Variants in PTBP2 observed in about 807,000 individuals in gnomAD.
PTBP2 encodes polypyrimidine tract-binding protein 2.
A neutral mutation model predicts 61.4 loss-of-function variants in PTBP2; 13 were observed. The observed-to-expected ratio is 0.21, with a 90% CI of 0.14 to 0.34. The LOEUF (loss-of-function observed/expected upper bound fraction) is 0.34. Among genes scored for constraint, PTBP2 ranks in the 10% least tolerant of loss-of-function variants. PTBP2 has a pLI of 1.00. For synonymous variants in PTBP2, 215 were observed against 218.5 expected, an observed-to-expected ratio of 0.98 and a Z score of 0.14; for missense variants, 405 against 642.6, an observed-to-expected ratio of 0.63 and a Z score of 4.00.
intron 8 of PTBP2, among the ~76,000 whole-genome samples, chr1:96,791,826 C>CTTTTTTTTGTTTTTTTTTTTGTTT (rs1482989030): frequency 3.9e-4 from 26 of 66,122 alleles, no homozygotes; most frequent in Non-Finnish European, 4.7e-4. Context: ...TGGAGTTGTG[C>CTTTTTTTTGTTTTTTTTTTTGTTT]TTTTTTTTTT....
intron 2 of PTBP2, among the ~76,000 whole-genome samples, chr1:96,724,323 C>T (rs573552970): frequency 1.3e-5 from 2 of 151,976 alleles, no homozygotes; most frequent in South Asian, 2.1e-4. Flanking sequence ...CGATCTTGGC[C>T]CACTGCAACC....
At chr1:96,807,206 G>A (rs1661580912) in intron 11 of PTBP2, among the ~76,000 whole-genome samples, 1 of 152,104 alleles carries the variant, frequency 6.6e-6, no homozygotes, top group African/African-American at 2.4e-5. Flanking sequence ...TGTAATAATA[G>A]TTTCACATGA....
At chr1:96,808,186 G>A (rs1310396995) in intron 11 of PTBP2, among the ~76,000 whole-genome samples, 1 of 151,838 alleles carries the variant, frequency 6.6e-6, no homozygotes, top group Non-Finnish European at 1.5e-5. Context: ...ACTGTTTTAT[G>A]TAATATTTTA....
downstream of PTBP2, chr1:96,817,727 A>C (rs990398133): frequency 6.6e-6 from 1 of 152,124 alleles, no homozygotes; most frequent in South Asian, 2.1e-4. Flanking sequence ...ATTCTTTCCC[A>C]AGAGGTAATT....
At chr1:96,760,104 A>G (rs895460676) in intron 3 of PTBP2, among the ~76,000 whole-genome samples, 1 of 152,092 alleles carries the variant, frequency 6.6e-6, no homozygotes, top group African/African-American at 2.4e-5. Flanking sequence ...TGGGAATTCA[A>G]GAGGAGATGT....
chr1:96,727,717 C>T (rs1331718653), intron 2 of PTBP2, among the ~76,000 whole-genome samples: 4 of 151,984 alleles, frequency 2.6e-5, no homozygotes, highest in East Asian at 1.9e-4. Context: ...ATATCTTTAG[C>T]CCAATTTTTT....
At chr1:96,746,244 A>G (rs955215025) in intron 2 of PTBP2, among the ~76,000 whole-genome samples, 13 of 152,088 alleles carry the variant, frequency 8.5e-5, no homozygotes, top group African/African-American at 3.1e-4. Flanking sequence ...ACAGTACTAG[A>G]TTATTTTCCA....
chr1:96,767,542 A>G (rs1240246791), intron 3 of PTBP2, among the ~76,000 whole-genome samples: 9 of 152,158 alleles, frequency 5.9e-5, no homozygotes, highest in African/African-American at 1.9e-4. Context: ...ATGAACAAGA[A>G]CAAATTATCA....
At chr1:96,810,040 AG>A (rs1225336894) in intron 11 of PTBP2, among the ~76,000 whole-genome samples, 3 of 152,148 alleles carry the variant, frequency 2.0e-5, no homozygotes, top group Non-Finnish European at 4.4e-5. Flanking sequence ...TGAATTATAA[AG>A]GGGAGAAGCA....
chr1:96,809,395 C>T (rs546220267), intron 11 of PTBP2, among the ~76,000 whole-genome samples: 1 of 152,282 alleles, frequency 6.6e-6, no homozygotes, highest in South Asian at 2.1e-4. Flanking sequence ...CAAAGAGTAT[C>T]ATACAGACCT....
chr1:96,764,370 A>T (rs977663745), intron 3 of PTBP2, among the ~76,000 whole-genome samples: 1 of 152,214 alleles, frequency 6.6e-6, no homozygotes. Context: ...ATTTTGTTAA[A>T]TTTGTAACTA....
chr1:96,733,588 G>T (rs1191828888), intron 2 of PTBP2, among the ~76,000 whole-genome samples: 5 of 152,122 alleles, frequency 3.3e-5, no homozygotes, highest in African/African-American at 4.8e-5. Context: ...GCTGAGACAA[G>T]AGGATCACCT....
chr1:96,805,806 C>T (rs1661448406), intron 9 of PTBP2, among the ~76,000 whole-genome samples: 1 of 152,074 alleles, frequency 6.6e-6, no homozygotes, highest in Admixed American at 6.6e-5. Flanking sequence ...AAGACTTTTG[C>T]CTGCATTTCA....
At chr1:96,733,631 A>C (rs1651753277) in intron 2 of PTBP2, among the ~76,000 whole-genome samples, 1 of 152,170 alleles carries the variant, frequency 6.6e-6, no homozygotes, top group Admixed American at 6.5e-5. Context: ...TGATTGTATC[A>C]CTACACTCCA....
chr1:96,804,108 T>A (rs1303309866), intron 8 of PTBP2, among the ~76,000 whole-genome samples: 1 of 152,088 alleles, frequency 6.6e-6, no homozygotes, highest in African/African-American at 2.4e-5. Context: ...TAACATAGAT[T>A]GGGAAAGGAT....
chr1:96,773,048 C>CG (rs910410716), intron 5 of PTBP2, among the ~76,000 whole-genome samples: 7 of 144,558 alleles, frequency 4.8e-5, no homozygotes, highest in South Asian at 2.2e-4. Flanking sequence ...TGCTTGAACC[C>CG]GGGGGGGTGG....
intron 2 of PTBP2, among the ~76,000 whole-genome samples, chr1:96,724,555 G>A (rs971532295): frequency 1.4e-4 from 21 of 151,936 alleles, no homozygotes; most frequent in Non-Finnish European, 2.6e-4. Context: ...GTGAGCCACC[G>A]TGCCCGGCCT....
Position 96,804,896 on chromosome 1 carries a change from C to T in PTBP2, c.1001C>T (p.Ala334Val). 1 of 1,610,980 alleles carries T rather than the reference C, an allele frequency of 6.2e-7. No homozygotes were observed. The highest frequency in any genetic ancestry group is 8.5e-7 in the Non-Finnish European group (1 of 1,178,230). Residue 334 changes from alanine (A) to valine (V), a missense_variant, in exon 9 of 14, where the codon GCT (alanine) becomes GTT (valine). Ala to Val is a moderately conservative substitution (Grantham distance 64, BLOSUM62 0). Transcript: ENST00000674951. ...AGRVGMPGVS[A>V]GGNTVLLVSN... ...CGAGTGGGTATGCCTGGAGTCTCAG[C>T]TGGTGGCAATACAGTCCTGTTGGTT...
chr1:96,727,377 A>G (rs1313582010), intron 2 of PTBP2, among the ~76,000 whole-genome samples: 2 of 152,174 alleles, frequency 1.3e-5, no homozygotes, highest in Admixed American at 6.5e-5. Context: ...AAGTCTTTGT[A>G]TGGACATATG....
Sources: gnomAD v4.1 joint callset for allele counts (sites outside exome capture counted in the v4.1 genomes callset) on GRCh38, gnomAD v4.1.1 for gene constraint, MANE v1.5 for transcripts, NCBI Gene and HGNC (gene_info 2026-07-23, HGNC 2026-07-21) for gene names.